MX2: variants seen among roughly 807,000 people sequenced by gnomAD.
The protein encoded by MX2 is interferon-induced GTP-binding protein Mx2.
MX2 carries 51 observed loss-of-function variants against 74.0 expected under a neutral mutation model. The ratio of observed to expected loss-of-function variants is 0.69; its 90% CI spans 0.55 to 0.87. The LOEUF is 0.87. Among genes scored for constraint, MX2 ranks in the 40% least tolerant of loss-of-function variants. The pLI, the probability that MX2 is intolerant of heterozygous loss-of-function variation, is 0.00. For synonymous variants in MX2, 369 were observed against 339.3 expected (o/e 1.09, Z -0.96); for missense variants, 832 against 908.7 (o/e 0.92, Z 1.09).
chr21:41,391,514 C>G (rs1377224326), intron 6 of MX2, among the ~76,000 whole-genome samples: 1 of 151,904 alleles, frequency 6.6e-6, no homozygotes, highest in Non-Finnish European at 1.5e-5. Flanking sequence ...TCCCAAGTAG[C>G]TGAGACTACA....
At position 41,380,231 on chromosome 21, in the gene MX2, CA is replaced by C; in HGVS notation, c.577+81del. 6.3e-7 allele frequency: 1 copy of C among 1,585,954 alleles called. No individual in the cohort carries two copies. Among genetic ancestry groups the C allele is most frequent in the Non-Finnish European group, 8.6e-7 (1 of 1,163,160 alleles). ...CGGTTCCTTCTCCTCTTCCTCAAGT[CA>C]CCCCCACAGTGACCACTCAGCTCCT... On this transcript the variant is annotated intron_variant, in intron 4 of 13. Transcript: ENST00000330714. This position sits in a 1 kb window ranked among gnomAD's most constrained non-coding sequence, Gnocchi z 4.3.
At chr21:41,397,462 GGTGGCAA>G in intron 7 of MX2, 144 bp from the exon 8 acceptor site, 1 of 603,606 alleles carries the variant, frequency 1.7e-6, no homozygotes, top group South Asian at 2.0e-5. Context: ...GGTGCAGGCT[GGTGGCAA>G]GTGTCTTTCT....
At chr21:41,401,384 T>G (rs2089812404) in intron 10 of MX2, 1 of 152,358 alleles carries the variant, frequency 6.6e-6, no homozygotes, top group African/African-American at 2.4e-5. Context: ...GGGTACAAGA[T>G]TAAGTTTCCA....
chr21:41,403,599 C>A (rs186997228), intron 12 of MX2: 5 of 705,198 alleles, frequency 7.1e-6, no homozygotes, highest in Non-Finnish European at 1.3e-5. Flanking sequence ...TTCTGCACGA[C>A]CTTACGCAGG....
chr21:41,382,480 T>C lies in MX2; in HGVS notation c.648T>C (p.Pro216=), dbSNP rs909203941. 1.9e-6 allele frequency: 3 copies of C among 1,614,234 alleles called. No homozygotes were observed. Among genetic ancestry groups the C allele is most frequent in the Non-Finnish European group, 2.5e-6 (3 of 1,180,044 alleles). ...TCATCAGCCTGGAGATCACCTCCCCTGAGGTTCCAGACCTGACCATCATTG... is the reference window on the plus strand; with the variant it reads ...TCATCAGCCTGGAGATCACCTCCCCCGAGGTTCCAGACCTGACCATCATTG... ...HELISLEITS[P]EVPDLTIIDL... Residue 216 remains proline, a synonymous_variant, in exon 5 of 14, where the codon CCT becomes CCC. Coordinates refer to ENST00000330714, the MANE Select transcript of MX2 (RefSeq NM_002463.2).
chr21:41,407,901 T>C (rs930735845), intron 13 of MX2, 90 bp from the exon 14 acceptor site: 1 of 1,537,998 alleles, frequency 6.5e-7, no homozygotes, highest in Non-Finnish European at 8.9e-7. Flanking sequence ...GGCAACCATG[T>C]GCGCATCCAG....
intron 8 of MX2, among the ~76,000 whole-genome samples, 185 bp downstream of exon 8, chr21:41,397,876 C>T (rs2089756814): frequency 6.6e-6 from 1 of 152,026 alleles, no homozygotes; most frequent in South Asian, 2.1e-4. Flanking sequence ...GCAACAAGTA[C>T]ATAGTATTAA....
In MX2 at chr21:41,392,736, G is replaced by A. The variant is rs542241551; in HGVS notation, c.871+2033G>A. 2.6e-5 allele frequency among the ~76,000 whole-genome samples: 4 copies of A among 152,260 alleles called. No individual in the cohort carries two copies. In the East Asian group the frequency reaches 7.7e-4, roughly 29 times the overall value. ...ACAAGGTAGCTAAAGACAGAGCAGG[G>A]GGGAGCATCCTATTTTTATGAGTTG... On this transcript the variant is annotated intron_variant, in intron 6 of 13. Coordinates refer to ENST00000330714, the MANE Select transcript of MX2 (RefSeq NM_002463.2).
At chr21:41,407,206 C>T (rs1320324880) in intron 13 of MX2, among the ~76,000 whole-genome samples, 2 of 152,076 alleles carry the variant, frequency 1.3e-5, no homozygotes, top group African/African-American at 4.8e-5. Context: ...TTAATTTGCC[C>T]ACAATCAATT....
At chr21:41,390,770 C>A in intron 6 of MX2, 67 bp downstream of exon 6, 1 of 1,549,502 alleles carries the variant, frequency 6.5e-7, no homozygotes, top group Non-Finnish European at 8.9e-7. Flanking sequence ...CTTTGGGAGG[C>A]CAAGACGGGC....
At chr21:41,367,988 GTCT>G (rs1368173049) in intron 1 of MX2, among the ~76,000 whole-genome samples, 2 of 152,172 alleles carry the variant, frequency 1.3e-5, no homozygotes, top group African/African-American at 4.8e-5. Flanking sequence ...CTCACCAGCT[GTCT>G]TCTTGGTTTT....
intron 1 of MX2, among the ~76,000 whole-genome samples, chr21:41,371,092 G>GA (rs1422393267): frequency 6.6e-6 from 1 of 152,162 alleles, no homozygotes; most frequent in Non-Finnish European, 1.5e-5. Context: ...ATCTGATCCT[G>GA]AAAAAGAGAG....
At position 41,388,392 on chromosome 21, in the gene MX2, C is replaced by T. The variant is rs1245485651; in HGVS notation, c.733-2173C>T. On this transcript the variant is annotated intron_variant, in intron 5 of 13. Transcript: ENST00000330714. The surrounding 1 kb of genome is among the most constrained non-coding windows in gnomAD (Gnocchi z 4.0). ...CTCTTGCGTGTGCATGCACGCTTCC[C>T]ACTGCCCGGTGCTCTGCCCGCATGG... Among the ~76,000 whole-genome samples, 2 of 152,214 alleles carry T rather than the reference C, an allele frequency of 1.3e-5. No individual in the cohort carries two copies. Among genetic ancestry groups the T allele is most frequent in the African/African-American group, 4.8e-5 (2 of 41,456 alleles).
intron 1 of MX2, among the ~76,000 whole-genome samples, 164 bp downstream of exon 1, chr21:41,362,219 G>A (rs1225877774): frequency 6.6e-6 from 1 of 152,086 alleles, no homozygotes; most frequent in Non-Finnish European, 1.5e-5. Context: ...GAGCAGAAAG[G>A]GCCCATGTTG....
At chr21:41,394,669 A>G (rs569271439) in intron 6 of MX2, among the ~76,000 whole-genome samples, 26 of 152,328 alleles carry the variant, frequency 1.7e-4, no homozygotes, top group African/African-American at 6.3e-4. Context: ...AAGGCCAGGC[A>G]CGGTGGCTCA....
Position 41,402,319 on chromosome 21 carries a change from A to G in MX2, c.1573+191A>G. The stretch of plus-strand genomic sequence containing the variant: ...CAAGGCCTGAGAGCTGGTCAGAGCT[A>G]CCGATTCTGCCCTTCTGCCTGAGAA... On this transcript the variant is annotated intron_variant, in intron 11 of 13. Transcript: ENST00000330714. The surrounding 1 kb of genome is among the most constrained non-coding windows in gnomAD (Gnocchi z 4.5). 3.4e-6 allele frequency: 2 copies of G among 595,086 alleles called. No individual in the cohort carries two copies. Among genetic ancestry groups the G allele is most frequent in the Non-Finnish European group, 5.4e-6 (2 of 368,950 alleles). The allele number at this position is 595,086 out of a possible 1,614,324, so 36.9% of individuals were successfully genotyped here. A position where few individuals can be genotyped will look rare whatever the true frequency, so the allele number is the denominator to read the frequency against.
Position 41,395,648 on chromosome 21 carries a change from G to A in MX2, c.933G>A (p.Val311=), listed in dbSNP as rs2089724392. The stretch of plus-strand genomic sequence containing the variant: ...CTGAGAAAAGCGTCATGAATGTGGT[G>A]CGGAACCTCACGTACCCCCTCAAGA... ...RGTEKSVMNV[V]RNLTYPLKKG... is the part of the protein sequence containing the mutation. Residue 311 remains valine, a synonymous_variant, in exon 7 of 14, where the codon GTG becomes GTA. Transcript: ENST00000330714. The A allele has an allele frequency of 3.1e-6, 5 of 1,614,112 alleles. No individual in the cohort carries two copies.
intron 6 of MX2, among the ~76,000 whole-genome samples, chr21:41,395,137 G>C (rs1206786598): frequency 1.3e-5 from 2 of 152,164 alleles, no homozygotes; most frequent in South Asian, 2.1e-4. Flanking sequence ...GCAGGAAGGA[G>C]TGGGGACAGA....
chr21:41,396,457 C>T (rs2089736203), intron 7 of MX2, among the ~76,000 whole-genome samples: 2 of 142,552 alleles, frequency 1.4e-5, no homozygotes, highest in African/African-American at 2.7e-5. Context: ...ACAGAGGTCA[C>T]TCCTGCTTGA....
Sources: gnomAD v4.1 joint callset for allele counts (sites outside exome capture counted in the v4.1 genomes callset) on GRCh38, gnomAD v4.1.1 for gene constraint, Gnocchi (gnomAD v3.1) non-coding constraint, MANE v1.5 for transcripts, NCBI Gene and HGNC (gene_info 2026-07-23, HGNC 2026-07-21) for gene names.